The following STK3 variants were observed in gnomAD, a reference collection of about 807,000 sequenced individuals.
The protein encoded by STK3 is serine/threonine-protein kinase 3.
A neutral mutation model predicts 58.0 loss-of-function variants in STK3; 41 were observed. The observed-to-expected ratio is 0.71, with a 90% CI of 0.55 to 0.92. The LOEUF (loss-of-function observed/expected upper bound fraction) is 0.92. STK3 is among the 40% of genes least tolerant of loss of function. The pLI is 0.00. For synonymous variants in STK3, 170 were observed against 191.0 expected (o/e 0.89, Z 0.91); for missense variants, 479 against 602.7 (o/e 0.79, Z 2.15).
At chr8:98,475,035 C>T (rs775972160) in intron 10 of STK3, among the ~76,000 whole-genome samples, 30 of 152,196 alleles carry the variant, frequency 2.0e-4, no homozygotes, top group African/African-American at 5.1e-4. Flanking sequence ...TTTGTCATCA[C>T]GGTGACATAC....
chr8:98,596,031 C>A lies in STK3; in HGVS notation c.822+1G>T. 1 of 1,612,722 alleles carries A rather than the reference C, an allele frequency of 6.2e-7. No individual in the cohort carries two copies. Among genetic ancestry groups the A allele is most frequent in the Non-Finnish European group, 8.5e-7 (1 of 1,179,152 alleles). The stretch of plus-strand genomic sequence containing the variant: ...CTTCCCTTCGAGGCACAAGCACTGA[C>A]CTGTAAAAGTTGTGTTGCAGTAGCT... On this transcript the variant is annotated splice_donor_variant, in intron 7 of 10. Transcript: ENST00000419617. LOFTEE classifies it high-confidence loss of function.
chr8:98,527,359 C>T (rs1288969072), intron 9 of STK3, among the ~76,000 whole-genome samples: 1 of 152,060 alleles, frequency 6.6e-6, no homozygotes, highest in Non-Finnish European at 1.5e-5. Flanking sequence ...GCATGGTGGC[C>T]TGTAACCTCA....
intron 10 of STK3, among the ~76,000 whole-genome samples, chr8:98,492,067 A>G (rs574226033): frequency 1.4e-4 from 21 of 152,318 alleles, no homozygotes; most frequent in African/African-American, 5.1e-4. Flanking sequence ...TAGAAGACTA[A>G]GCCATGATTT....
intron 1 of STK3, among the ~76,000 whole-genome samples, chr8:98,924,100 A>C (rs1323458797): frequency 6.6e-6 from 1 of 152,204 alleles, no homozygotes; most frequent in African/African-American, 2.4e-5. Context: ...CCATTTGAAG[A>C]AAGCAGAGAA....
At chr8:98,722,622 A>T (rs1827513824) in intron 4 of STK3, 1 of 154,136 alleles carries the variant, frequency 6.5e-6, no homozygotes, top group Admixed American at 6.5e-5. Context: ...AATAATCTCT[A>T]GCTGTTTTAA....
At chr8:98,772,338 G>C (rs536797807) in intron 2 of STK3, among the ~76,000 whole-genome samples, 3 of 152,238 alleles carry the variant, frequency 2.0e-5, no homozygotes, top group South Asian at 4.2e-4. Context: ...TGGGTCACAG[G>C]GGCAGTTTCC....
chr8:98,490,282 G>C (rs1822585152), intron 10 of STK3, among the ~76,000 whole-genome samples: 1 of 152,112 alleles, frequency 6.6e-6, no homozygotes, highest in South Asian at 2.1e-4. Flanking sequence ...GCTCATAAGT[G>C]TTAGTTGATT....
chr8:98,614,448 G>A (rs1817485648), intron 6 of STK3, among the ~76,000 whole-genome samples: 1 of 152,044 alleles, frequency 6.6e-6, no homozygotes, highest in Non-Finnish European at 1.5e-5. Flanking sequence ...TCTCGATCGG[G>A]GGAGGAGCCA....
At chr8:98,741,214 G>T (rs562731859) in intron 4 of STK3, among the ~76,000 whole-genome samples, 1 of 152,262 alleles carries the variant, frequency 6.6e-6, no homozygotes, top group Admixed American at 6.5e-5. Flanking sequence ...AGGATATCCA[G>T]GAATTGAACT....
intron 1 of STK3, among the ~76,000 whole-genome samples, chr8:98,932,887 T>C (rs561240477): frequency 5.3e-5 from 8 of 152,360 alleles, no homozygotes; most frequent in African/African-American, 1.9e-4. Flanking sequence ...AGCTTCAATC[T>C]AGACTGTTAC....
chr8:98,855,387 A>G (rs1836630533), intron 3 of STK3, among the ~76,000 whole-genome samples: 1 of 152,214 alleles, frequency 6.6e-6, no homozygotes, highest in African/African-American at 2.4e-5. Context: ...GATTTTTGAC[A>G]AAAGAACCAA....
intron 6 of STK3, among the ~76,000 whole-genome samples, chr8:98,620,571 A>C (rs1818206026): frequency 6.6e-6 from 1 of 151,548 alleles, no homozygotes; most frequent in East Asian, 1.9e-4. Context: ...AAACCGAATA[A>C]AAATGAAAAT....
chr8:98,702,033 T>C (rs1276571023), intron 6 of STK3, among the ~76,000 whole-genome samples: 2 of 152,206 alleles, frequency 1.3e-5, no homozygotes, highest in Non-Finnish European at 2.9e-5. Flanking sequence ...CATTTCCCTT[T>C]ACTAAACAGA....
chr8:98,459,170 G>A (rs1019025032), intron 10 of STK3, among the ~76,000 whole-genome samples: 11 of 152,190 alleles, frequency 7.2e-5, no homozygotes, highest in Admixed American at 2.0e-4. Context: ...GGTCTCAGAC[G>A]AACATGAGAA....
chr8:98,395,733 G>A (rs1817891874), intron 3 of STK3, among the ~76,000 whole-genome samples: 1 of 152,092 alleles, frequency 6.6e-6, no homozygotes, highest in African/African-American at 2.4e-5. Context: ...TTTTTCTCCA[G>A]CAAATGTCAC....
At chr8:98,587,982 C>T (rs4735565) in intron 7 of STK3, among the ~76,000 whole-genome samples, 39,020 of 151,770 alleles carry the variant, frequency 0.26, 5,598 homozygotes, top group East Asian at 0.45. Flanking sequence ...TATTTTTAGC[C>T]TATGTGTGTC....
intron 1 of STK3, among the ~76,000 whole-genome samples, chr8:98,908,701 G>T (rs1484290712): frequency 6.7e-6 from 1 of 150,294 alleles, no homozygotes; most frequent in Admixed American, 6.6e-5. Context: ...AAATTAGCCA[G>T]GCGTGGTGGC....
intron 10 of STK3, among the ~76,000 whole-genome samples, chr8:98,495,222 G>A (rs2131338379): frequency 6.6e-6 from 1 of 152,274 alleles, no homozygotes; most frequent in South Asian, 2.1e-4. Flanking sequence ...AATGTGCCAA[G>A]CAACATAGTA....
At chr8:98,463,214 A>T (rs535537333) in intron 10 of STK3, among the ~76,000 whole-genome samples, 10 of 152,292 alleles carry the variant, frequency 6.6e-5, no homozygotes, top group Admixed American at 6.5e-4. Context: ...AAAAGTCAAA[A>T]CTACTTTTTA....
Sources: allele counts gnomAD v4.1 joint callset (sites outside exome capture counted in the v4.1 genomes callset), GRCh38; gene constraint gnomAD v4.1.1; transcripts MANE v1.5; gene names NCBI Gene and HGNC (gene_info 2026-07-23, HGNC 2026-07-21).